POLD3: variants seen among roughly 807,000 people sequenced by gnomAD.
POLD3 encodes the protein DNA polymerase delta 3, accessory subunit, also known as DNA polymerase delta subunit 3.
Under a neutral mutation model 58.2 loss-of-function variants are expected in POLD3, and 19 were observed. The observed-to-expected ratio is 0.33, with a 90% confidence interval of 0.23 to 0.48. The LOEUF (loss-of-function observed/expected upper bound fraction) is 0.48, where lower values mean the gene tolerates loss of function less well. Among genes scored for constraint, POLD3 ranks in the 20% least tolerant of loss-of-function variants. The pLI is 0.99. For missense variants in POLD3, 504 were observed against 545.5 expected, an observed-to-expected ratio of 0.92 and a Z score of 0.76; for synonymous variants, 172 against 193.5, an observed-to-expected ratio of 0.89 and a Z score of 0.92.
intron 2 of POLD3, among the ~76,000 whole-genome samples, chr11:74,600,730 T>C (rs2031462633): frequency 6.7e-6 from 1 of 148,728 alleles, no homozygotes; most frequent in Admixed American, 6.7e-5. Context: ...TTTTTTTTTT[T>C]TTTTGAGATA....
intron 9 of POLD3, among the ~76,000 whole-genome samples, chr11:74,630,204 C>CAAACTTGTAAGATTCTG (rs1471999241): frequency 6.6e-6 from 1 of 151,944 alleles, no homozygotes; most frequent in African/African-American, 2.4e-5. Flanking sequence ...TATCAAAGGA[C>CAAACTTGTAAGATTCTG]AAACTTGTAA....
intron 3 of POLD3, among the ~76,000 whole-genome samples, chr11:74,607,184 T>C (rs1181798850): frequency 6.6e-6 from 1 of 151,210 alleles, no homozygotes; most frequent in East Asian, 1.9e-4. Context: ...AAGTTTTTAG[T>C]GCTTCTAGAA....
chr11:74,606,994 C>T (rs1419648575), intron 3 of POLD3, among the ~76,000 whole-genome samples: 1 of 151,996 alleles, frequency 6.6e-6, no homozygotes, highest in African/African-American at 2.4e-5. Context: ...AGCCCTGGAC[C>T]TGCCCTCCCA....
At chr11:74,593,014 G>GCGTC in intron 1 of POLD3, 1 of 1,299,336 alleles carries the variant, frequency 7.7e-7, no homozygotes, top group Non-Finnish European at 9.8e-7. Flanking sequence ...GAGTTCTAAG[G>GCGTC]CGTCCCTACA....
intron 4 of POLD3, among the ~76,000 whole-genome samples, chr11:74,651,790 A>G (rs1464141654): frequency 6.6e-6 from 1 of 152,158 alleles, no homozygotes; most frequent in Non-Finnish European, 1.5e-5. Flanking sequence ...CTAGAGAGGG[A>G]GGCTGGGCCA....
At chr11:74,617,944 C>T (rs1439251931) in intron 5 of POLD3, among the ~76,000 whole-genome samples, 2 of 152,164 alleles carry the variant, frequency 1.3e-5, no homozygotes, top group Non-Finnish European at 2.9e-5. Context: ...ATCTTAAATT[C>T]CTAGGCTTAA....
chr11:74,609,169 C>T (rs1290595156), intron 3 of POLD3, among the ~76,000 whole-genome samples: 3 of 151,600 alleles, frequency 2.0e-5, no homozygotes, highest in South Asian at 2.1e-4. Context: ...TAAGGATGCA[C>T]AGTCATCCTG....
chr11:74,632,964 T>A lies in POLD3; in HGVS notation c.1007-1619T>A, dbSNP rs143117862. 5.8e-3 allele frequency among the ~76,000 whole-genome samples: 861 copies of A among 147,830 alleles called. 7 individuals carry two copies. Among genetic ancestry groups the A allele is most frequent in the African/African-American group, 0.021 (824 of 39,682 alleles). On this transcript the variant is annotated intron_variant, in intron 9 of 11. Transcript: ENST00000263681. ...CTCTATGTTTATGCCAGGGAAATCG[T>A]GGTGTCTCTGCCTTTTTGGAGCTTA...
chr11:74,641,227 G>T lies in POLD3; in HGVS notation c.*461G>T. 1 of 985,596 alleles carries T rather than the reference G, an allele frequency of 1.0e-6. No homozygotes were observed. The highest frequency in any genetic ancestry group is 1.2e-6 in the Non-Finnish European group (1 of 830,070). 61.1% of individuals were successfully genotyped at this position (985,596 alleles called of 1,614,324 possible). ...CGTTTACCCCTCTTGTCTTCCTGCA[G>T]TACCACACTTCTGTCCCCTAACCTC... On this transcript the variant is annotated 3_prime_UTR_variant, in exon 12 of 12. Coordinates refer to ENST00000263681, the MANE Select transcript of POLD3 (RefSeq NM_006591.3).
intron 4 of POLD3, among the ~76,000 whole-genome samples, chr11:74,612,471 G>C (rs1233590046): frequency 6.6e-6 from 1 of 152,290 alleles, no homozygotes; most frequent in Non-Finnish European, 1.5e-5. Flanking sequence ...TTTTATTACA[G>C]AGTTGCTTTC....
intron 11 of POLD3, chr11:74,638,510 A>G (rs1425193270): frequency 2.4e-6 from 1 of 409,388 alleles, no homozygotes; most frequent in Non-Finnish European, 4.9e-6. Flanking sequence ...CAACTAGTAG[A>G]AAGTAATTTC....
chr11:74,628,290 C>T (rs1326730307), intron 8 of POLD3, among the ~76,000 whole-genome samples: 1 of 152,076 alleles, frequency 6.6e-6, no homozygotes, highest in Non-Finnish European at 1.5e-5. Flanking sequence ...AAATTAATCT[C>T]CCAAAAATAA....
In POLD3 at chr11:74,604,777, A is replaced by G; in HGVS notation, c.202A>G (p.Ile68Val). Residue 68 changes from isoleucine (I) to valine (V), a missense_variant, in exon 3 of 12, where the codon ATT becomes GTT. By Grantham distance (29) the Ile-to-Val change is conservative. Around this residue, in one of 2 missense-constraint regions of POLD3, gnomAD observed 119 missense variants for 175.0 expected, o/e 0.68. Transcript: ENST00000263681. ...HVTYLVSGSL[I>V]QNGHSCHKVA... The stretch of plus-strand genomic sequence containing the variant: ...TACCTACTTGGTGTCTGGCAGTCTC[A>G]TTCAGAATGGACATTCCGTAAGTTC... 6.3e-7 allele frequency: 1 copy of G among 1,592,778 alleles called. No homozygotes were observed. The highest frequency in any genetic ancestry group is 8.6e-7 in the Non-Finnish European group (1 of 1,160,458).
intron 8 of POLD3, among the ~76,000 whole-genome samples, chr11:74,628,362 A>T (rs2032492994): frequency 6.6e-6 from 1 of 151,914 alleles, no homozygotes; most frequent in Admixed American, 6.6e-5. Context: ...TCTTATCTTT[A>T]TTGTTTCCTT....
intron 4 of POLD3, 86 bp from the exon 5 acceptor site, chr11:74,612,792 C>A: frequency 8.5e-7 from 1 of 1,183,196 alleles, no homozygotes; most frequent in Non-Finnish European, 1.2e-6. Context: ...ATTACAAATG[C>A]TTTAATGCAG....
intron 4 of POLD3, among the ~76,000 whole-genome samples, chr11:74,654,668 T>C (rs939765913): frequency 6.6e-6 from 1 of 152,172 alleles, no homozygotes; most frequent in Non-Finnish European, 1.5e-5. Context: ...CCTTCTCTCC[T>C]CTGCTCCCCA....
intron 3 of POLD3, among the ~76,000 whole-genome samples, chr11:74,611,006 C>T (rs2135136705): frequency 6.6e-6 from 1 of 152,226 alleles, no homozygotes; most frequent in East Asian, 1.9e-4. Context: ...AACTCCTGAC[C>T]TCAGGTGATC....
chr11:74,659,319 C>G (rs2033177048), intron 4 of POLD3, among the ~76,000 whole-genome samples: 1 of 152,256 alleles, frequency 6.6e-6, no homozygotes, highest in East Asian at 1.9e-4. Context: ...TATGAAACCA[C>G]TTTTTCCTCC....
intron 2 of POLD3, among the ~76,000 whole-genome samples, chr11:74,594,898 T>C (rs970692824): frequency 3.9e-5 from 6 of 152,210 alleles, no homozygotes; most frequent in African/African-American, 1.2e-4. Context: ...ACTGCCCCCA[T>C]AATTCAGTTA....
Sources: allele counts gnomAD v4.1 joint callset (sites outside exome capture counted in the v4.1 genomes callset), GRCh38; gene constraint gnomAD v4.1.1; regional missense constraint gnomAD v4.1.1; transcripts MANE v1.5; gene names NCBI Gene and HGNC (gene_info 2026-07-23, HGNC 2026-07-21).